PGBD2: variants seen among roughly 807,000 people sequenced by gnomAD.
PGBD2 encodes piggyBac transposable element derived 2.
A neutral mutation model predicts 8.1 loss-of-function variants in PGBD2; 6 were observed. The observed-to-expected ratio is 0.74, with a 90% CI of 0.40 to 1.46. The LOEUF (loss-of-function observed/expected upper bound fraction) is 1.46. Among genes scored for constraint, PGBD2 ranks in the 40% most tolerant of loss-of-function variants. PGBD2 has a pLI of 0.02. For missense variants in PGBD2, 802 were observed against 739.0 expected (o/e 1.09, Z -0.99); for synonymous variants, 318 against 272.2 (o/e 1.17, Z -1.66).
downstream of PGBD2, among the ~76,000 whole-genome samples, chr1:248,924,170 T>G (rs1662340742): frequency 6.6e-6 from 1 of 152,190 alleles, no homozygotes; most frequent in African/African-American, 2.4e-5. Flanking sequence ...AGCAGCAGCG[T>G]CCATCCAGAA....
At chr1:248,887,646 G>C in the PGBD2 span, among the ~76,000 whole-genome samples, 1 of 152,274 alleles carries the variant, frequency 6.6e-6, no homozygotes, top group Non-Finnish European at 1.5e-5. Flanking sequence ...CAAGAAACTG[G>C]CTTGATGGAA....
the PGBD2 span, among the ~76,000 whole-genome samples, chr1:248,900,646 T>C: frequency 6.6e-6 from 1 of 152,118 alleles, no homozygotes; most frequent in Non-Finnish European, 1.5e-5. Context: ...TACTTAATGG[T>C]CAAAAGGTGG....
chr1:248,873,917 C>G, the PGBD2 span, among the ~76,000 whole-genome samples: 1 of 152,200 alleles, frequency 6.6e-6, no homozygotes, highest in Non-Finnish European at 1.5e-5. Flanking sequence ...TGCGGGCTTT[C>G]TGGTCTCCGG....
the PGBD2 span, among the ~76,000 whole-genome samples, chr1:248,892,658 A>T: frequency 3.9e-5 from 6 of 152,292 alleles, no homozygotes; most frequent in South Asian, 8.3e-4. Context: ...CTTTTCTTTC[A>T]CACCTGGCTA....
chr1:248,894,122 T>G, the PGBD2 span, among the ~76,000 whole-genome samples: 3,664 of 152,328 alleles, frequency 0.024, 74 homozygotes, highest in East Asian at 0.072. Context: ...TTGCTATTTA[T>G]AGGAGTTCCT....
At chr1:248,874,882 A>T in the PGBD2 span, among the ~76,000 whole-genome samples, 1 of 151,320 alleles carries the variant, frequency 6.6e-6, no homozygotes, top group African/African-American at 2.4e-5. Context: ...CTCTCTTCCA[A>T]GGTAGATAGA....
chr1:248,909,978 T>A (rs141220317), intron 1 of PGBD2, among the ~76,000 whole-genome samples: 1 of 152,184 alleles, frequency 6.6e-6, no homozygotes, highest in Non-Finnish European at 1.5e-5. Context: ...GCTCATGCCC[T>A]AATGGCTGGA....
At chr1:248,902,399 A>C (rs1456306714), upstream of PGBD2, among the ~76,000 whole-genome samples, 1 of 152,240 alleles carries the variant, frequency 6.6e-6, no homozygotes, top group Non-Finnish European at 1.5e-5. Flanking sequence ...TGTTGGTTCA[A>C]ATGTAAATCA....
the PGBD2 span, among the ~76,000 whole-genome samples, chr1:248,894,277 G>T: frequency 0.041 from 6,256 of 150,918 alleles, 340 homozygotes; most frequent in East Asian, 0.15. Context: ...CTATTTTTGG[G>T]TTTTTTTTGT....
intron 1 of PGBD2, among the ~76,000 whole-genome samples, chr1:248,908,141 C>T (rs925553690): frequency 1.3e-5 from 2 of 152,184 alleles, no homozygotes; most frequent in Admixed American, 1.3e-4. Context: ...CACCTATTTC[C>T]ATTTTGTAAT....
At chr1:248,899,472 T>C in the PGBD2 span, among the ~76,000 whole-genome samples, 27 of 151,892 alleles carry the variant, frequency 1.8e-4, no homozygotes, top group African/African-American at 6.5e-4. Context: ...TACGTAGAAA[T>C]TGAAAAACCT....
the PGBD2 span, among the ~76,000 whole-genome samples, chr1:248,897,334 C>T: frequency 1.3e-5 from 2 of 150,846 alleles, no homozygotes; most frequent in Admixed American, 6.6e-5. Context: ...CGATGGAAAC[C>T]AGACACAGCA....
the PGBD2 span, among the ~76,000 whole-genome samples, chr1:248,886,926 G>A: frequency 2.6e-5 from 4 of 152,154 alleles, no homozygotes; most frequent in Non-Finnish European, 4.4e-5. Context: ...AAAATCTCAA[G>A]GGGGTAAAAC....
upstream of PGBD2, among the ~76,000 whole-genome samples, chr1:248,904,577 C>G (rs1351992147): frequency 1.3e-5 from 2 of 152,190 alleles, no homozygotes; most frequent in Admixed American, 6.5e-5. Flanking sequence ...AACTCACCCC[C>G]TCTTTGACCT....
At chr1:248,885,858 A>G in the PGBD2 span, among the ~76,000 whole-genome samples, 2 of 152,240 alleles carry the variant, frequency 1.3e-5, no homozygotes, top group Non-Finnish European at 2.9e-5. Flanking sequence ...CCTGCTACAC[A>G]TGCAAATAGT....
chr1:248,887,837 C>T, the PGBD2 span, among the ~76,000 whole-genome samples: 1 of 152,116 alleles, frequency 6.6e-6, no homozygotes, highest in Non-Finnish European at 1.5e-5. Context: ...GAGCTTTGGG[C>T]TTCTGTTGAT....
At chr1:248,874,017 C>A in the PGBD2 span, among the ~76,000 whole-genome samples, 1 of 152,128 alleles carries the variant, frequency 6.6e-6, no homozygotes, top group East Asian at 1.9e-4. Flanking sequence ...TTCCCGGAGT[C>A]CGTTGGTATT....
chr1:248,878,850 A>G, the PGBD2 span, among the ~76,000 whole-genome samples: 1 of 152,152 alleles, frequency 6.6e-6, no homozygotes, highest in African/African-American at 2.4e-5. Flanking sequence ...CGCTATTGCT[A>G]TGCCAGTCTC....
rs1661999673 is a variant in PGBD2, at chr1:248,913,895, G to C, written c.17+16G>C. The C allele has an allele frequency of 1.2e-6, 2 of 1,603,692 alleles. No individual in the cohort carries two copies. Among genetic ancestry groups the C allele is most frequent in the Non-Finnish European group, 1.7e-6 (2 of 1,170,576 alleles). ...CAACATCCAGGTAGGAGTGCTGTTTGATCAAATGTTTTATTGAAGAATTTA... is the reference window on the plus strand; with the variant it reads ...CAACATCCAGGTAGGAGTGCTGTTTCATCAAATGTTTTATTGAAGAATTTA... On this transcript the variant is annotated intron_variant, in intron 2 of 2. Transcript: ENST00000329291.
Sources: allele counts gnomAD v4.1 joint callset (sites outside exome capture counted in the v4.1 genomes callset), GRCh38; gene constraint gnomAD v4.1.1; transcripts MANE v1.5; gene names NCBI Gene and HGNC (gene_info 2026-07-23, HGNC 2026-07-21).